BEND6: variants seen among roughly 807,000 people sequenced by gnomAD.
BEND6 encodes the protein BEN domain containing 6, also known as BEN domain-containing protein 6.
BEND6 carries 24 observed loss-of-function variants against 31.8 expected under a neutral mutation model. The ratio of observed to expected loss-of-function variants is 0.75; its 90% CI spans 0.55 to 1.06. The LOEUF (loss-of-function observed/expected upper bound fraction) is 1.06. Among genes scored for constraint, BEND6 ranks in the 50% least tolerant of loss-of-function variants. The probability of loss-of-function intolerance (pLI) is 0.00; values close to 1 mark genes in which losing one functional copy is unlikely to be tolerated. For missense variants in BEND6, 294 were observed against 327.4 expected (o/e 0.90, Z 0.79); for synonymous variants, 109 against 114.6 (o/e 0.95, Z 0.31).
At position 56,979,470 on chromosome 6, in the gene BEND6, A is replaced by G. The variant is rs1825996056; in HGVS notation, c.-100-2241A>G. On this transcript the variant is annotated intron_variant, in intron 1 of 6. Transcript: ENST00000370746. ...TCTCAATTAAGAAAATTGTAACTTC[A>G]TGGATTAACATCAATATATGCCAGT... is the stretch of plus-strand genomic sequence containing the variant. Among the ~76,000 whole-genome samples the G allele has an allele frequency of 3.9e-5, 6 of 152,218 alleles. No homozygotes were observed. In the South Asian group the frequency reaches 1.0e-3, roughly 26 times the overall value.
intron 3 of BEND6, among the ~76,000 whole-genome samples, chr6:56,994,849 A>G (rs1253280947): frequency 6.6e-6 from 1 of 152,228 alleles, no homozygotes; most frequent in Non-Finnish European, 1.5e-5. Context: ...ATATAAAAAT[A>G]ATCACTTACT....
intron 1 of BEND6, among the ~76,000 whole-genome samples, chr6:56,964,816 T>C (rs1825411841): frequency 6.6e-6 from 1 of 152,206 alleles, no homozygotes; most frequent in Non-Finnish European, 1.5e-5. Flanking sequence ...CTTTGACACT[T>C]CTGAACCTCG....
chr6:56,956,442 T>C (rs1825009400), intron 1 of BEND6, among the ~76,000 whole-genome samples: 1 of 152,188 alleles, frequency 6.6e-6, no homozygotes. Context: ...CATATTACCG[T>C]GTGTAAGTAT....
intron 2 of BEND6, among the ~76,000 whole-genome samples, chr6:56,991,231 A>G (rs1005504771): frequency 2.6e-5 from 4 of 152,312 alleles, no homozygotes; most frequent in African/African-American, 9.6e-5. Context: ...TACTTCTTTC[A>G]TAAAGCTCTT....
chr6:57,003,097 A>G (rs1827006298), intron 3 of BEND6, among the ~76,000 whole-genome samples: 1 of 152,226 alleles, frequency 6.6e-6, no homozygotes, highest in Non-Finnish European at 1.5e-5. Context: ...ACAAACTAGA[A>G]AATCTAGAGG....
At chr6:56,996,655 T>C (rs1490304869) in intron 3 of BEND6, among the ~76,000 whole-genome samples, 1 of 152,238 alleles carries the variant, frequency 6.6e-6, no homozygotes, top group Non-Finnish European at 1.5e-5. Context: ...TTAACTTCAT[T>C]GTTCAAGTTC....
intron 6 of BEND6, among the ~76,000 whole-genome samples, chr6:57,023,665 G>A (rs1375020262): frequency 6.6e-6 from 1 of 152,154 alleles, no homozygotes; most frequent in Admixed American, 6.5e-5. Context: ...CCAGGCAGTG[G>A]TGTGATCATG....
At chr6:56,994,179 G>T (rs1826612531) in intron 3 of BEND6, among the ~76,000 whole-genome samples, 2 of 152,012 alleles carry the variant, frequency 1.3e-5, no homozygotes, top group Middle Eastern at 3.4e-3. Flanking sequence ...ATTAATCTTG[G>T]CCGGGCGCAG....
chr6:57,021,886 A>G (rs1827755179), intron 6 of BEND6, among the ~76,000 whole-genome samples: 1 of 152,190 alleles, frequency 6.6e-6, no homozygotes, highest in Non-Finnish European at 1.5e-5. Flanking sequence ...CCTCCAACGC[A>G]GGGTATTTAG....
chr6:57,009,769 A>G (rs553689712), intron 3 of BEND6: 1 of 152,348 alleles, frequency 6.6e-6, no homozygotes, highest in East Asian at 1.9e-4. Flanking sequence ...AGATAGACAC[A>G]TATTGTATTG....
intron 1 of BEND6, chr6:56,975,971 G>T (rs994094015): frequency 5.8e-6 from 3 of 519,312 alleles, no homozygotes; most frequent in South Asian, 3.0e-5. Flanking sequence ...CATGGTCGAC[G>T]CCATGTGCAG....
At chr6:56,990,426 T>G (rs1826451883) in intron 2 of BEND6, among the ~76,000 whole-genome samples, 1 of 152,018 alleles carries the variant, frequency 6.6e-6, no homozygotes, top group African/African-American at 2.4e-5. Context: ...TTTGTATTTT[T>G]TGTAGAAACA....
rs372912831 is a variant in BEND6 at position 56,963,572 on chromosome 6, A to G, written c.-101+8112A>G. On this transcript the variant is annotated intron_variant, in intron 1 of 6. Coordinates refer to ENST00000370746, the MANE Select transcript of BEND6 (RefSeq NM_152731.3). ...ATGGGAGACCACCTGGCTGTCCTTT[A>G]TAAAAGAGAAAGCTATAATAATTTT... Among the ~76,000 whole-genome samples, 17 of 152,160 alleles carry G rather than the reference A, an allele frequency of 1.1e-4. No individual in the cohort carries two copies. In the East Asian group the frequency reaches 1.3e-3, roughly 12 times the overall value.
intron 6 of BEND6, among the ~76,000 whole-genome samples, chr6:57,022,987 T>C (rs1454134865): frequency 1.3e-5 from 2 of 152,230 alleles, no homozygotes; most frequent in Non-Finnish European, 2.9e-5. Flanking sequence ...TCATAAAAAA[T>C]ACTTGATATG....
In BEND6 at chr6:57,027,196, T is replaced by G. The variant is rs1242744706; in HGVS notation, c.*1124T>G. The G allele has an allele frequency of 6.6e-6, 1 of 152,248 alleles. No homozygotes were observed. The allele number at this position is 152,248 out of a possible 1,614,324, so 9.4% of individuals were successfully genotyped here. A position where few individuals can be genotyped will look rare whatever the true frequency, so the allele number is the denominator to read the frequency against. The stretch of plus-strand genomic sequence containing the variant: ...TGGAAAAGAGGATGCTACAGTAGTT[T>G]CAAAGTTCAGTGTTGTGGACCCAGG... On this transcript the variant is annotated 3_prime_UTR_variant, in exon 7 of 7. Coordinates refer to ENST00000370746, the MANE Select transcript of BEND6 (RefSeq NM_152731.3).
At position 57,015,132 on chromosome 6, in the gene BEND6, G is replaced by C; in HGVS notation, c.299-1G>C. The C allele has an allele frequency of 6.2e-7, 1 of 1,612,960 alleles. No homozygotes were observed. The highest frequency in any genetic ancestry group is 8.5e-7 in the Non-Finnish European group (1 of 1,179,246). On this transcript the variant is annotated splice_acceptor_variant, in intron 3 of 6. Transcript: ENST00000370746. LOFTEE classifies it high-confidence loss of function. ...AAGTGTACTTTTTCTTGCCATTTTA[G>C]TGTTACCACAAGCAGTCACCCAGTT...
intron 6 of BEND6, among the ~76,000 whole-genome samples, chr6:57,020,058 C>T (rs1176007884): frequency 1.3e-5 from 2 of 152,178 alleles, no homozygotes; most frequent in Non-Finnish European, 2.9e-5. Context: ...CAGTGCACTC[C>T]AGCCTGGGGG....
intron 6 of BEND6, among the ~76,000 whole-genome samples, chr6:57,019,132 T>C (rs1273206382): frequency 6.6e-6 from 1 of 152,208 alleles, no homozygotes; most frequent in East Asian, 1.9e-4. Context: ...TTAGTTGTTA[T>C]TGTTTAATAA....
intron 1 of BEND6, among the ~76,000 whole-genome samples, chr6:56,955,671 C>T (rs1332746806): frequency 6.6e-6 from 1 of 152,206 alleles, no homozygotes. Flanking sequence ...AAGAATTGGG[C>T]ACTTTCGATC....
Sources: allele counts gnomAD v4.1 joint callset (sites outside exome capture counted in the v4.1 genomes callset), GRCh38; gene constraint gnomAD v4.1.1; transcripts MANE v1.5; gene names NCBI Gene and HGNC (gene_info 2026-07-23, HGNC 2026-07-21).